CRPPA: variants seen among roughly 807,000 people sequenced by gnomAD.
The protein encoded by CRPPA is D-ribitol-5-phosphate cytidylyltransferase.
A neutral mutation model predicts 52.0 loss-of-function variants in CRPPA; 43 were observed. That is an observed-to-expected ratio of 0.83 (90% CI 0.65 to 1.07). The LOEUF (loss-of-function observed/expected upper bound fraction) is 1.07, where lower values mean the gene tolerates loss of function less well. Among genes scored for constraint, CRPPA ranks in the 50% least tolerant of loss-of-function variants. CRPPA has a pLI of 0.00. For missense variants in CRPPA, 629 were observed against 551.7 expected, an observed-to-expected ratio of 1.14 and a Z score of -1.40; for synonymous variants, 250 against 203.5, an observed-to-expected ratio of 1.23 and a Z score of -1.94.
intron 1 of CRPPA, among the ~76,000 whole-genome samples, chr7:16,407,460 C>A (rs891045238): frequency 3.3e-5 from 5 of 152,168 alleles, no homozygotes; most frequent in Non-Finnish European, 7.3e-5. Context: ...CGGTCTCTGA[C>A]CCATGATACG....
At chr7:16,213,081 T>C (rs940176317) in intron 9 of CRPPA, among the ~76,000 whole-genome samples, 2 of 152,196 alleles carry the variant, frequency 1.3e-5, no homozygotes, top group African/African-American at 4.8e-5. Context: ...AAAGTCATTA[T>C]AGAGGTATTT....
intron 9 of CRPPA, among the ~76,000 whole-genome samples, chr7:16,157,596 G>C (rs1225721891): frequency 6.6e-6 from 1 of 151,746 alleles, no homozygotes; most frequent in Non-Finnish European, 1.5e-5. Flanking sequence ...TAAAAGCTAA[G>C]AAAAAAGGGA....
At chr7:16,309,918 T>C (rs1328951137) in intron 3 of CRPPA, among the ~76,000 whole-genome samples, 2 of 152,148 alleles carry the variant, frequency 1.3e-5, no homozygotes, top group African/African-American at 2.4e-5. Flanking sequence ...TCATTAGATG[T>C]ATATTCTAAA....
At chr7:16,388,919 C>T (rs1046335578) in intron 2 of CRPPA, among the ~76,000 whole-genome samples, 1 of 151,896 alleles carries the variant, frequency 6.6e-6, no homozygotes, top group Non-Finnish European at 1.5e-5. Context: ...AAAAAAAAGG[C>T]AAATTAATAA....
chr7:16,387,034 AT>A (rs1347315391), intron 2 of CRPPA, among the ~76,000 whole-genome samples: 3 of 106,956 alleles, frequency 2.8e-5, no homozygotes, highest in African/African-American at 1.0e-4. Context: ...TTAATTTAAA[AT>A]AAAAAAAAGA....
intron 8 of CRPPA, among the ~76,000 whole-genome samples, chr7:16,219,466 G>A (rs1469427586): frequency 9.8e-6 from 1 of 101,872 alleles, no homozygotes; most frequent in Non-Finnish European, 2.0e-5. Context: ...AGGAAATAGA[G>A]ACACAAAAAA....
chr7:16,157,656 C>T (rs1002084687), intron 9 of CRPPA, among the ~76,000 whole-genome samples: 1 of 151,902 alleles, frequency 6.6e-6, no homozygotes, highest in Non-Finnish European at 1.5e-5. Context: ...ACATACATCC[C>T]AGAAATACCT....
intron 9 of CRPPA, among the ~76,000 whole-genome samples, chr7:16,113,163 G>A (rs1234663257): frequency 1.3e-5 from 2 of 151,912 alleles, no homozygotes; most frequent in Non-Finnish European, 2.9e-5. Context: ...CAGAATTTTT[G>A]TAAATGAAAA....
At chr7:16,293,897 T>C (rs957956919) in intron 5 of CRPPA, among the ~76,000 whole-genome samples, 3 of 151,990 alleles carry the variant, frequency 2.0e-5, no homozygotes, top group Non-Finnish European at 4.4e-5. Flanking sequence ...TGTTTTTACA[T>C]GTAAGTGGTA....
intron 9 of CRPPA, among the ~76,000 whole-genome samples, chr7:16,201,066 T>C (rs73058566): frequency 1.3e-3 from 196 of 151,990 alleles, no homozygotes; most frequent in Non-Finnish European, 2.0e-3. Context: ...GCAAGGAAAA[T>C]AAATTAAAAC....
chr7:16,389,921 AAAAAAAAATATATAT>A (rs1475160010), intron 2 of CRPPA, among the ~76,000 whole-genome samples: 7 of 80,982 alleles, frequency 8.6e-5, no homozygotes, highest in South Asian at 4.7e-4. Flanking sequence ...TACAAAAAAA[AAAAAAAAATATATAT>A]ATATATATAT....
At chr7:16,326,549 C>A (rs976596741) in intron 3 of CRPPA, among the ~76,000 whole-genome samples, 6 of 152,106 alleles carry the variant, frequency 3.9e-5, no homozygotes, top group African/African-American at 1.4e-4. Flanking sequence ...GCACTGGGAC[C>A]ACAACAAAAA....
In CRPPA at chr7:16,267,592, C is replaced by T. The variant is rs557557966; in HGVS notation, c.934-8580G>A. Among the ~76,000 whole-genome samples, 4 of 152,246 alleles carry T rather than the reference C, an allele frequency of 2.6e-5. No homozygotes were observed. In the South Asian group the frequency reaches 8.3e-4, roughly 32 times the overall value. On this transcript the variant is annotated intron_variant, in intron 6 of 9. Coordinates refer to ENST00000407010, the MANE Select transcript of CRPPA (RefSeq NM_001101426.4). ...CAACCTTACTGAGCCAAAGCCATTG[C>T]CTTTATCTTTATTACATATATTGGT...
intron 2 of CRPPA, among the ~76,000 whole-genome samples, chr7:16,404,750 T>G (rs1343874938): frequency 1.3e-5 from 2 of 152,180 alleles, no homozygotes; most frequent in African/African-American, 4.8e-5. Context: ...ATCCTCTGCT[T>G]CTTTATGCCT....
intron 3 of CRPPA, among the ~76,000 whole-genome samples, chr7:16,340,637 A>G (rs1170733659): frequency 6.6e-6 from 1 of 151,600 alleles, no homozygotes; most frequent in Non-Finnish European, 1.5e-5. Context: ...CGAAAAAACC[A>G]AAACCTCTCA....
At chr7:16,401,451 AGTT>A (rs1337235649) in intron 2 of CRPPA, among the ~76,000 whole-genome samples, 1 of 152,206 alleles carries the variant, frequency 6.6e-6, no homozygotes, top group Non-Finnish European at 1.5e-5. Context: ...GTGTGTAAGA[AGTT>A]GATCACCAAC....
At chr7:16,170,596 C>T (rs1781160128) in intron 9 of CRPPA, among the ~76,000 whole-genome samples, 2 of 152,154 alleles carry the variant, frequency 1.3e-5, no homozygotes, top group Non-Finnish European at 2.9e-5. Flanking sequence ...GAAGAGAACC[C>T]AAGTGGGTTG....
intron 3 of CRPPA, among the ~76,000 whole-genome samples, chr7:16,348,602 G>A (rs1281467801): frequency 1.3e-5 from 2 of 152,194 alleles, no homozygotes; most frequent in Non-Finnish European, 1.5e-5. Flanking sequence ...TAAGGGCTAC[G>A]CCCTTTGGGA....
chr7:16,405,962 A>G (rs867567894), intron 2 of CRPPA, 99 bp downstream of exon 2: 1 of 1,112,890 alleles, frequency 9.0e-7, no homozygotes, highest in Middle Eastern at 2.1e-4. Context: ...TGCACATTTT[A>G]AATAATTTGA....
Sources: gnomAD v4.1 joint callset for allele counts (sites outside exome capture counted in the v4.1 genomes callset) on GRCh38, gnomAD v4.1.1 for gene constraint, MANE v1.5 for transcripts, NCBI Gene and HGNC (gene_info 2026-07-23, HGNC 2026-07-21) for gene names.